Variants in ATXN10 observed in about 807,000 individuals in gnomAD.
The protein encoded by ATXN10 is ataxin-10.
ATXN10 carries 28 observed loss-of-function variants against 52.9 expected under a neutral mutation model. The observed-to-expected ratio is 0.53, with a 90% CI of 0.39 to 0.73. ATXN10 has a LOEUF of 0.73. Ranked by LOEUF, ATXN10 falls within the 30% of genes least tolerant of loss-of-function variation. The pLI, the probability that ATXN10 is intolerant of heterozygous loss-of-function variation, is 0.00. For synonymous variants in ATXN10, 226 were observed against 221.5 expected (o/e 1.02, Z -0.18); for missense variants, 565 against 577.0 (o/e 0.98, Z 0.21).
intron 9 of ATXN10, among the ~76,000 whole-genome samples, chr22:45,794,373 A>G (rs968048321): frequency 2.6e-5 from 4 of 151,122 alleles, no homozygotes; most frequent in South Asian, 2.1e-4. Flanking sequence ...CATTTTTTTC[A>G]TAAAATTGTT....
chr22:45,750,809 G>A lies in ATXN10; in HGVS notation c.1173+10271G>A, dbSNP rs767151623. On this transcript the variant is annotated intron_variant, in intron 9 of 11. Transcript: ENST00000252934. The surrounding 1 kb of genome is among the most constrained non-coding windows in gnomAD (Gnocchi z 4.2). Reference sequence around the variant, plus strand: ...TGTGATAAGGATAATCCAGCAACCCGGGGAGAAAAGGAAAGCTTATTACAA... The same window carrying A: ...TGTGATAAGGATAATCCAGCAACCCAGGGAGAAAAGGAAAGCTTATTACAA... Among the ~76,000 whole-genome samples the A allele has an allele frequency of 2.0e-5, 3 of 152,148 alleles. No individual in the cohort carries two copies. Among genetic ancestry groups the A allele is most frequent in the Non-Finnish European group, 4.4e-5 (3 of 68,032 alleles).
intron 9 of ATXN10, among the ~76,000 whole-genome samples, chr22:45,761,974 T>C (rs1926408294): frequency 6.6e-6 from 1 of 152,236 alleles, no homozygotes; most frequent in Non-Finnish European, 1.5e-5. Context: ...AGCAGGTGAA[T>C]GGACCATATT....
rs1212672959 is a variant in ATXN10, at chr22:45,757,611, A to G, written c.1173+17073A>G. Among the ~76,000 whole-genome samples, 2 of 125,504 alleles carry G rather than the reference A, an allele frequency of 1.6e-5. No individual in the cohort carries two copies. The highest frequency in any genetic ancestry group is 7.9e-5 in the Admixed American group (1 of 12,668). 82.3% of individuals were successfully genotyped at this position (125,504 alleles called of 152,430 possible). ...AAAAATCATTTCTAGCCATTTTAGA[A>G]AAAAAAAAACATTAGTACAGTATTA... On this transcript the variant is annotated intron_variant, in intron 9 of 11. Transcript: ENST00000252934. The surrounding 1 kb of genome is among the most constrained non-coding windows in gnomAD (Gnocchi z 4.6).
intron 9 of ATXN10, among the ~76,000 whole-genome samples, chr22:45,802,141 A>G (rs1254751051): frequency 6.6e-6 from 1 of 152,166 alleles, no homozygotes; most frequent in Non-Finnish European, 1.5e-5. Flanking sequence ...CTCTGTTTAC[A>G]CTTCATTTCC....
chr22:45,830,376 G>T (rs1180101010), intron 10 of ATXN10, among the ~76,000 whole-genome samples: 3 of 152,084 alleles, frequency 2.0e-5, no homozygotes, highest in Non-Finnish European at 4.4e-5. Flanking sequence ...AAAATATTTT[G>T]CATCATTCAA....
Position 45,671,983 on chromosome 22 carries a change from C to G in ATXN10, c.-81C>G, listed in dbSNP as rs1922457803. On this transcript the variant is annotated 5_prime_UTR_variant, in exon 1 of 12. Coordinates refer to ENST00000252934, the MANE Select transcript of ATXN10 (RefSeq NM_013236.4). The stretch of plus-strand genomic sequence containing the variant: ...CCCCCTTCCTCCTCGCCATCCTACT[C>G]CTCCCTCCTCGTCATCCTCCCCCTT... The G allele has an allele frequency of 6.8e-6, 10 of 1,466,750 alleles. No homozygotes were observed. In the Admixed American group the frequency reaches 8.0e-5, roughly 12 times the overall value. 90.9% of individuals were successfully genotyped at this position (1,466,750 alleles called of 1,614,324 possible). A position where few individuals can be genotyped will look rare whatever the true frequency, so the allele number is the denominator to read the frequency against.
At chr22:45,682,122 TCTG>T (rs1922947299) in intron 1 of ATXN10, among the ~76,000 whole-genome samples, 1 of 152,184 alleles carries the variant, frequency 6.6e-6, no homozygotes, top group Non-Finnish European at 1.5e-5. Flanking sequence ...AGTTTATAGA[TCTG>T]CTGTAATTTT....
chr22:45,807,073 G>A (rs1430333067), intron 10 of ATXN10, 51 bp downstream of exon 10: 2 of 1,469,330 alleles, frequency 1.4e-6, no homozygotes, highest in Admixed American at 1.7e-5. Flanking sequence ...GGGGCCCTTA[G>A]CAAAACAAGT....
At position 45,692,102 on chromosome 22, in the gene ATXN10, T is replaced by G. The variant is rs565966007; in HGVS notation, c.309-894T>G. Among the ~76,000 whole-genome samples, 7 of 152,380 alleles carry G rather than the reference T, an allele frequency of 4.6e-5. No individual in the cohort carries two copies. In the South Asian group the frequency reaches 1.4e-3, roughly 32 times the overall value. ...TTATGTAAATGCCTAATGCACATTGTGTGCTCAGTAAACATTAAATGTTTC... is the reference window on the plus strand; with the variant it reads ...TTATGTAAATGCCTAATGCACATTGGGTGCTCAGTAAACATTAAATGTTTC... On this transcript the variant is annotated intron_variant, in intron 2 of 11. Transcript: ENST00000252934.
At chr22:45,731,242 A>C (rs1925078013) in intron 7 of ATXN10, among the ~76,000 whole-genome samples, 1 of 152,252 alleles carries the variant, frequency 6.6e-6, no homozygotes, top group African/African-American at 2.4e-5. Flanking sequence ...ACTAGAAAAC[A>C]TGCTGGCTGA....
intron 9 of ATXN10, among the ~76,000 whole-genome samples, chr22:45,773,585 A>G (rs1018802648): frequency 1.3e-5 from 2 of 151,870 alleles, no homozygotes; most frequent in African/African-American, 4.8e-5. Flanking sequence ...CAGCCTCCTG[A>G]GTAACTGGGA....
At position 45,824,236 on chromosome 22, in the gene ATXN10, C is replaced by A. The variant is rs1485471865; in HGVS notation, c.1237+17214C>A. 6.6e-6 allele frequency among the ~76,000 whole-genome samples: 1 copy of A among 152,178 alleles called. No individual in the cohort carries two copies. The highest frequency in any genetic ancestry group is 2.4e-5 in the African/African-American group (1 of 41,434). On this transcript the variant is annotated intron_variant, in intron 10 of 11. Transcript: ENST00000252934. The surrounding 1 kb of genome is among the most constrained non-coding windows in gnomAD (Gnocchi z 5.2). Reference sequence around the variant, plus strand: ...ACAGAGACCTGCACATACTGTTCCTCTCACTGGAGTTCTCCCCTTTCTACA... The same window carrying A: ...ACAGAGACCTGCACATACTGTTCCTATCACTGGAGTTCTCCCCTTTCTACA...
chr22:45,756,289 T>C (rs1569051774), intron 9 of ATXN10, among the ~76,000 whole-genome samples: 3 of 152,076 alleles, frequency 2.0e-5, no homozygotes, highest in African/African-American at 4.8e-5. Context: ...GGACTACAGG[T>C]GTCCACCACC....
rs1923058210 is a variant in ATXN10, at chr22:45,684,510, A to T, written c.117-5202A>T. 6.6e-6 allele frequency among the ~76,000 whole-genome samples: 1 copy of T among 152,136 alleles called. No individual in the cohort carries two copies. Among genetic ancestry groups the T allele is most frequent in the South Asian group, 2.1e-4 (1 of 4,826 alleles). On this transcript the variant is annotated intron_variant, in intron 1 of 11. Transcript: ENST00000252934. This position sits in a 1 kb window ranked among gnomAD's most constrained non-coding sequence, Gnocchi z 4.1. ...TGGGGAGATGATAAAGTTTCATGAC[A>T]CATGAAAATTATATGAATTTAAATT...
rs1381191416 is a variant in ATXN10, at chr22:45,783,865, C to T, written c.1174-23094C>T. 6.6e-6 allele frequency among the ~76,000 whole-genome samples: 1 copy of T among 152,172 alleles called. No homozygotes were observed. The highest frequency in any genetic ancestry group is 2.4e-5 in the African/African-American group (1 of 41,452). On this transcript the variant is annotated intron_variant, in intron 9 of 11. Transcript: ENST00000252934. This position sits in a 1 kb window ranked among gnomAD's most constrained non-coding sequence, Gnocchi z 5.0. The stretch of plus-strand genomic sequence containing the variant: ...TGTGTCATGCTGATGGCACGATTCC[C>T]GAGGGCACCGAGGAAATGGTCAGAC...
At position 45,689,986 on chromosome 22, in the gene ATXN10, T is replaced by C; in HGVS notation, c.308+83T>C. 3 of 1,488,162 alleles carry C rather than the reference T, an allele frequency of 2.0e-6. No homozygotes were observed. In the South Asian group the frequency reaches 3.4e-5, roughly 17 times the overall value. 92.2% of individuals were successfully genotyped at this position (1,488,162 alleles called of 1,614,324 possible). A position where few individuals can be genotyped will look rare whatever the true frequency, so the allele number is the denominator to read the frequency against. Reference sequence around the variant, plus strand: ...CATTTGGTTTATCTGTTAGAAGTTGTTTTGGGCTGGGTAAGGTGGCTCATG... The same window carrying C: ...CATTTGGTTTATCTGTTAGAAGTTGCTTTGGGCTGGGTAAGGTGGCTCATG... On this transcript the variant is annotated intron_variant, in intron 2 of 11. Transcript: ENST00000252934.
At chr22:45,776,077 C>T (rs1160079635) in intron 9 of ATXN10, among the ~76,000 whole-genome samples, 1 of 152,170 alleles carries the variant, frequency 6.6e-6, no homozygotes. Flanking sequence ...CCTTTCTGAA[C>T]TTTAGTTTTC....
intron 10 of ATXN10, among the ~76,000 whole-genome samples, chr22:45,838,709 A>G (rs1278997140): frequency 6.6e-6 from 1 of 152,208 alleles, no homozygotes; most frequent in African/African-American, 2.4e-5. Context: ...GCTGCACTCT[A>G]ACAAGGAGTG....
rs572186147 is a variant in ATXN10, at chr22:45,697,619, A to G, written c.392-2663A>G. On this transcript the variant is annotated intron_variant, in intron 3 of 11. Transcript: ENST00000252934. ...TGGTGTCTTACTCCTTTCACTTAGCATAATGTTTTTATTTATTTATTTATT... is the reference window on the plus strand; with the variant it reads ...TGGTGTCTTACTCCTTTCACTTAGCGTAATGTTTTTATTTATTTATTTATT... Among the ~76,000 whole-genome samples, 12 of 151,928 alleles carry G rather than the reference A, an allele frequency of 7.9e-5. No individual in the cohort carries two copies. In the East Asian group the frequency reaches 1.8e-3, roughly 22 times the overall value.
Sources: allele counts gnomAD v4.1 joint callset (sites outside exome capture counted in the v4.1 genomes callset), GRCh38; gene constraint gnomAD v4.1.1; non-coding constraint Gnocchi (gnomAD v3.1); transcripts MANE v1.5; gene names NCBI Gene and HGNC (gene_info 2026-07-23, HGNC 2026-07-21).